DTX1: variants seen among roughly 807,000 people sequenced by gnomAD.
DTX1 encodes E3 ubiquitin-protein ligase DTX1.
Under a neutral mutation model 57.8 loss-of-function variants are expected in DTX1, and 26 were observed. The ratio of observed to expected loss-of-function variants is 0.45; its 90% CI spans 0.33 to 0.62. The LOEUF (loss-of-function observed/expected upper bound fraction) is 0.62, where lower values mean the gene tolerates loss of function less well. Ranked by LOEUF, DTX1 falls within the 20% of genes least tolerant of loss-of-function variation. The pLI, the probability that DTX1 is intolerant of heterozygous loss-of-function variation, is 0.02. For missense variants in DTX1, 704 were observed against 895.3 expected, an observed-to-expected ratio of 0.79 and a Z score of 2.73; for synonymous variants, 398 against 394.1, an observed-to-expected ratio of 1.01 and a Z score of -0.12.
At chr12:113,066,509 C>G (rs534048950) in intron 2 of DTX1, among the ~76,000 whole-genome samples, 1 of 148,602 alleles carries the variant, frequency 6.7e-6, no homozygotes, top group Non-Finnish European at 1.5e-5. Context: ...GCCTGAGTAA[C>G]AGAGTGAGAC....
chr12:113,058,335 T>C lies in DTX1; in HGVS notation c.143T>C (p.Ile48Thr), dbSNP rs2044644421. The change falls in exon 2 of 10, where the codon ATT becomes ACT. Residue 48 changes from isoleucine (I) to threonine (T), a missense_variant. Physicochemically the swap from Ile to Thr is moderately conservative, Grantham distance 89 (BLOSUM62 -1). This residue lies in a region of DTX1 where 237 missense variants were observed against 328.6 expected (regional missense o/e 0.72). Transcript: ENST00000548759. ...RPYTATVCHH[I>T]ENVLKEDARG... ...TACACGGCCACCGTGTGCCACCACA[T>C]TGAGAACGTGCTGAAGGAGGACGCT... The C allele has an allele frequency of 1.2e-6, 2 of 1,613,496 alleles. No individual in the cohort carries two copies. Among genetic ancestry groups the C allele is most frequent in the East Asian group, 2.2e-5 (1 of 44,872 alleles).
chr12:113,078,119 CA>C lies in DTX1; in HGVS notation c.941+15del, dbSNP rs71445596. On this transcript the variant is annotated intron_variant, in intron 3 of 9. Transcript: ENST00000548759. ...CATCCCGCCGGGGTAAGACGGGGCC[CA>C]GGGGGAGGGGGCCTCTGCGTCGTCC... 0.22 allele frequency: 296,116 copies of C among 1,352,312 alleles called. 35,555 individuals are homozygous for C. The highest frequency in any genetic ancestry group is 0.26 in the Middle Eastern group (1,002 of 3,838). The allele number at this position is 1,352,312 out of a possible 1,614,324, so 83.8% of individuals were successfully genotyped here.
At chr12:113,067,976 C>G (rs1204915284) in intron 2 of DTX1, among the ~76,000 whole-genome samples, 1 of 152,234 alleles carries the variant, frequency 6.6e-6, no homozygotes, top group East Asian at 1.9e-4. Flanking sequence ...GAGGTGCAGG[C>G]TGCAGTGAGT....
rs1258621022 is a variant in DTX1 at position 113,060,268 on chromosome 12, A to G, written c.259+1817A>G. Reference sequence around the variant, plus strand: ...TGTCAATTTCTGTGCTAAGCACTGGAGTACAGCAGGGAGCAAGACAAAGTC... The same window carrying G: ...TGTCAATTTCTGTGCTAAGCACTGGGGTACAGCAGGGAGCAAGACAAAGTC... On this transcript the variant is annotated intron_variant, in intron 2 of 9. Transcript: ENST00000548759. 2.0e-5 allele frequency among the ~76,000 whole-genome samples: 3 copies of G among 152,304 alleles called. No homozygotes were observed. The East Asian group carries it at 5.8e-4, about 29-fold the overall frequency.
intron 3 of DTX1, among the ~76,000 whole-genome samples, chr12:113,078,777 A>T (rs564663503): frequency 1.3e-5 from 2 of 152,190 alleles, no homozygotes; most frequent in South Asian, 4.2e-4. Context: ...GGCTCGAGCA[A>T]GCATCAGCTG....
intron 2 of DTX1, among the ~76,000 whole-genome samples, chr12:113,061,217 A>G (rs556349459): frequency 7.9e-5 from 12 of 152,168 alleles, no homozygotes; most frequent in South Asian, 4.2e-4. Context: ...AGGGAAAAAA[A>G]ACACTCATTC....
In DTX1 at chr12:113,058,373, G is replaced by A. The variant is rs1180404140; in HGVS notation, c.181G>A (p.Val61Ile). 1.9e-6 allele frequency: 3 copies of A among 1,611,384 alleles called. No individual in the cohort carries two copies. Among genetic ancestry groups the A allele is most frequent in the Admixed American group, 3.3e-5 (2 of 60,022 alleles). ...VLKEDARGSV[V>I]LGQVDAQLVP... ...GAAGGAGGACGCTCGCGGTTCCGTG[G>A]TCCTGGGGCAGGTGGACGCCCAGCT... The change falls in exon 2 of 10, where the codon GTC (valine) becomes ATC (isoleucine). Residue 61 changes from valine (V) to isoleucine (I), a missense_variant. By Grantham distance (29) the Val-to-Ile change is conservative (BLOSUM62 3). Coordinates refer to ENST00000548759, the MANE Select transcript of DTX1 (RefSeq NM_004416.3).
At chr12:113,061,548 G>A (rs1372274877) in intron 2 of DTX1, among the ~76,000 whole-genome samples, 1 of 152,188 alleles carries the variant, frequency 6.6e-6, no homozygotes, top group African/African-American at 2.4e-5. Flanking sequence ...CGTGAAATGG[G>A]TGAGAGGATC....
chr12:113,073,147 C>G (rs2044748855), intron 2 of DTX1, among the ~76,000 whole-genome samples: 1 of 152,136 alleles, frequency 6.6e-6, no homozygotes, highest in African/African-American at 2.4e-5. Flanking sequence ...CTATCCTGCA[C>G]ATTTTTCAGG....
chr12:113,087,089 C>T (rs922402998), intron 3 of DTX1, among the ~76,000 whole-genome samples: 7 of 151,674 alleles, frequency 4.6e-5, no homozygotes, highest in South Asian at 2.1e-4. Context: ...TTCCTTCCCC[C>T]GCAGAGAGCT....
chr12:113,095,157 A>G lies in DTX1; in HGVS notation c.1502A>G (p.Asp501Gly). The change falls in exon 8 of 10, where the codon GAT becomes GGT. Residue 501 changes from aspartate to glycine, a missense_variant. Around this residue, in one of 3 missense-constraint regions of DTX1, gnomAD observed 168 missense variants for 255.6 expected, o/e 0.66. Transcript: ENST00000548759. ...CCCCACTCGCTGCCCGGCTTCCCTG[A>G]TACCCAGACCATCCGCATCGTCTAT... ...LIPHSLPGFPDTQTIRIVYDI... is the reference protein window; with the variant it reads ...LIPHSLPGFPGTQTIRIVYDI... 6.2e-7 allele frequency: 1 copy of G among 1,613,030 alleles called. No homozygotes were observed. The highest frequency in any genetic ancestry group is 2.2e-5 in the East Asian group (1 of 44,862).
intron 2 of DTX1, among the ~76,000 whole-genome samples, chr12:113,069,744 C>T (rs1258942016): frequency 6.6e-6 from 1 of 152,136 alleles, no homozygotes; most frequent in African/African-American, 2.4e-5. Flanking sequence ...TATTAGCACA[C>T]ACACCCCTGG....
At chr12:113,083,618 G>A (rs1198457064) in intron 3 of DTX1, among the ~76,000 whole-genome samples, 2 of 152,194 alleles carry the variant, frequency 1.3e-5, no homozygotes, top group African/African-American at 4.8e-5. Flanking sequence ...GAGCCACTGC[G>A]CCCGGCCAAT....
intron 2 of DTX1, among the ~76,000 whole-genome samples, chr12:113,069,248 C>A (rs1319216238): frequency 6.6e-6 from 1 of 152,040 alleles, no homozygotes. Flanking sequence ...GTCCCCTCCC[C>A]CTCCACTTCC....
rs555751338 is a variant in DTX1, at chr12:113,093,453, G to A, written c.1004-86G>A. 1.1e-3 allele frequency: 748 copies of A among 673,834 alleles called. No homozygotes were observed. Among genetic ancestry groups the A allele is most frequent in the Non-Finnish European group, 1.6e-3 (725 of 450,054 alleles). 41.7% of individuals were successfully genotyped at this position (673,834 alleles called of 1,614,324 possible). On this transcript the variant is annotated intron_variant, in intron 4 of 9. Transcript: ENST00000548759. The surrounding 1 kb of genome is among the most constrained non-coding windows in gnomAD (Gnocchi z 4.2). ...AAGAGCGCAACCCTCCCACCCACCC[G>A]AGGGCCCCGGGATTCCCAGGGCCAG...
chr12:113,077,473 G>T lies in DTX1; in HGVS notation c.309G>T (p.Pro103=), dbSNP rs1215347941. ...ACTTCTACGACCCGTCGTCGGCGCC[G>T]GGCAAGGGCATCGTGTGGGAGTGGG... ...RRNFYDPSSA[P]GKGIVWEWEN... is the part of the protein sequence containing the mutation. Residue 103 remains proline (P), a synonymous_variant, in exon 3 of 10, where the codon CCG becomes CCT. Transcript: ENST00000548759. This position sits in a 1 kb window ranked among gnomAD's most constrained non-coding sequence, Gnocchi z 7.8. 6 of 1,612,692 alleles carry T rather than the reference G, an allele frequency of 3.7e-6. No individual in the cohort carries two copies. The highest frequency in any genetic ancestry group is 5.1e-6 in the Non-Finnish European group (6 of 1,179,872).
intron 2 of DTX1, among the ~76,000 whole-genome samples, chr12:113,068,333 G>A (rs549476560): frequency 1.3e-5 from 2 of 152,342 alleles, no homozygotes; most frequent in Admixed American, 1.3e-4. Context: ...TCCGCACCTA[G>A]TGAGCTATGT....
chr12:113,077,331 C>A lies in DTX1; in HGVS notation c.260-93C>A. The A allele has an allele frequency of 7.1e-7, 1 of 1,417,498 alleles. No homozygotes were observed. Among genetic ancestry groups the A allele is most frequent in the Non-Finnish European group, 9.3e-7 (1 of 1,069,586 alleles). 87.8% of individuals were successfully genotyped at this position (1,417,498 alleles called of 1,614,324 possible). ...TGGAGGCCTGTGCTGACCCCCCAAC[C>A]TCCCGCCCACCCTTGCCTGGCTGTG... is the stretch of plus-strand genomic sequence containing the variant. On this transcript the variant is annotated intron_variant, in intron 2 of 9. Coordinates refer to ENST00000548759, the MANE Select transcript of DTX1 (RefSeq NM_004416.3). The surrounding 1 kb of genome is among the most constrained non-coding windows in gnomAD (Gnocchi z 7.8).
At chr12:113,096,444 AAAAAAAAAAAAAAAAAAAG>A (rs1192690978) in intron 9 of DTX1, among the ~76,000 whole-genome samples, 1 of 9,524 alleles carries the variant, frequency 1.0e-4, no homozygotes, top group African/African-American at 2.0e-4. Context: ...TGCCTCAAAA[AAAAAAAAAAAAAAAAAAAG>A]AAAAAGAAAA....
Sources: allele counts gnomAD v4.1 joint callset (sites outside exome capture counted in the v4.1 genomes callset), GRCh38; gene constraint gnomAD v4.1.1; regional missense constraint gnomAD v4.1.1; non-coding constraint Gnocchi (gnomAD v3.1); transcripts MANE v1.5; gene names NCBI Gene and HGNC (gene_info 2026-07-23, HGNC 2026-07-21).